The following RIMS2 variants were observed in gnomAD, a reference collection of about 807,000 sequenced individuals.
The protein encoded by RIMS2 is regulating synaptic membrane exocytosis 2.
Under a neutral mutation model 174.4 loss-of-function variants are expected in RIMS2, and 59 were observed. The observed-to-expected ratio is 0.34, with a 90% CI of 0.27 to 0.42. The LOEUF (loss-of-function observed/expected upper bound fraction) is 0.42. Among genes scored for constraint, RIMS2 ranks in the 10% least tolerant of loss-of-function variants. The probability of loss-of-function intolerance (pLI) is 1.00; values close to 1 mark genes in which losing one functional copy is unlikely to be tolerated. For synonymous variants in RIMS2, 606 were observed against 572.5 expected (o/e 1.06, Z -0.84); for missense variants, 1,620 against 1,666.3 (o/e 0.97, Z 0.48).
chr8:104,180,945 A>G (rs1462279688), intron 19 of RIMS2, among the ~76,000 whole-genome samples: 1 of 151,756 alleles, frequency 6.6e-6, no homozygotes, highest in African/African-American at 2.4e-5. Flanking sequence ...GCATCATGAA[A>G]ACAGAAAACC....
exon 9 of RIMS2, chr8:103,918,474 A>T (rs766227824): frequency 1.9e-6 from 3 of 1,606,160 alleles, no homozygotes; most frequent in Non-Finnish European, 2.6e-6. Flanking sequence ...GCACACATGC[A>T]CAACTGGAGT....
chr8:103,947,979 C>A (rs549250781), intron 14 of RIMS2, among the ~76,000 whole-genome samples: 9 of 152,040 alleles, frequency 5.9e-5, no homozygotes, highest in African/African-American at 1.7e-4. Flanking sequence ...ATATAAGGAG[C>A]CCTTAAAATG....
At chr8:103,526,617 A>C (rs184505347) in intron 1 of RIMS2, among the ~76,000 whole-genome samples, 2 of 152,300 alleles carry the variant, frequency 1.3e-5, no homozygotes, top group East Asian at 3.9e-4. Flanking sequence ...AATTAAAAGC[A>C]AAAAAAGAAC....
At chr8:103,555,701 G>T (rs1458736418) in intron 1 of RIMS2, among the ~76,000 whole-genome samples, 1 of 151,882 alleles carries the variant, frequency 6.6e-6, no homozygotes, top group South Asian at 2.1e-4. Flanking sequence ...GGAGGCCAAG[G>T]TGGGAGGATC....
At chr8:103,906,798 T>G (rs1431629611) in intron 4 of RIMS2, among the ~76,000 whole-genome samples, 1 of 152,198 alleles carries the variant, frequency 6.6e-6, no homozygotes, top group Admixed American at 6.5e-5. Flanking sequence ...TGCTTTGTTA[T>G]GGGACAATAC....
At chr8:104,182,923 T>A (rs2098948429) in intron 19 of RIMS2, among the ~76,000 whole-genome samples, 1 of 151,784 alleles carries the variant, frequency 6.6e-6, no homozygotes, top group Non-Finnish European at 1.5e-5. Context: ...TTATTTACTT[T>A]TAATATAAGC....
chr8:103,798,647 A>G (rs1489003163), intron 3 of RIMS2, among the ~76,000 whole-genome samples: 1 of 152,182 alleles, frequency 6.6e-6, no homozygotes, highest in Admixed American at 6.6e-5. Flanking sequence ...TACAGAAAGG[A>G]TATGGTGCTT....
chr8:103,700,365 C>T (rs1275737941), intron 2 of RIMS2, among the ~76,000 whole-genome samples: 1 of 151,912 alleles, frequency 6.6e-6, no homozygotes, highest in Non-Finnish European at 1.5e-5. Context: ...TTCACTTGGT[C>T]TAATACATGT....
Position 103,972,801 on chromosome 8 carries a change from C to A in RIMS2, c.2771-2549C>A, listed in dbSNP as rs2093025947. On this transcript the variant is annotated intron_variant, in intron 15 of 23. Transcript: ENST00000504942. Reference sequence around the variant, plus strand: ...AGTCTAACCACCCTATATAAAATTGCAAAATGCCCTCCTCTTCTGGCATTT... The same window carrying A: ...AGTCTAACCACCCTATATAAAATTGAAAAATGCCCTCCTCTTCTGGCATTT... 2.0e-5 allele frequency among the ~76,000 whole-genome samples: 3 copies of A among 152,264 alleles called. No individual in the cohort carries two copies. The South Asian group carries it at 6.2e-4, about 32-fold the overall frequency.
chr8:103,911,096 C>T (rs1188493300), intron 5 of RIMS2, among the ~76,000 whole-genome samples: 1 of 152,020 alleles, frequency 6.6e-6, no homozygotes, highest in African/African-American at 2.4e-5. Context: ...CATTGTTGCT[C>T]TTAGGATAGT....
intron 15 of RIMS2, among the ~76,000 whole-genome samples, chr8:103,972,637 G>C (rs1421236029): frequency 6.6e-6 from 1 of 152,074 alleles, no homozygotes; most frequent in Non-Finnish European, 1.5e-5. Context: ...CCTCCTTGCT[G>C]TTCTGTGAAC....
chr8:103,859,886 G>A (rs532266723), intron 3 of RIMS2, among the ~76,000 whole-genome samples: 1 of 152,072 alleles, frequency 6.6e-6, no homozygotes, highest in South Asian at 2.1e-4. Context: ...TACTACCTCA[G>A]CACAGAAATG....
chr8:103,880,560 G>C, intron 3 of RIMS2: 2 of 418,452 alleles, frequency 4.8e-6, no homozygotes, highest in Admixed American at 8.5e-5. Context: ...CAAATCATCT[G>C]ATTAAGGATG....
intron 19 of RIMS2, among the ~76,000 whole-genome samples, chr8:104,061,452 TA>T (rs2096987443): frequency 6.6e-6 from 1 of 151,986 alleles, no homozygotes; most frequent in Admixed American, 6.6e-5. Flanking sequence ...TTTCTTCTTA[TA>T]AAAGTAACAT....
chr8:103,836,158 G>GT (rs2098888306), intron 3 of RIMS2, among the ~76,000 whole-genome samples: 1 of 152,186 alleles, frequency 6.6e-6, no homozygotes, highest in African/African-American at 2.4e-5. Context: ...GAAATTAATT[G>GT]ATCAATTGAT....
intron 19 of RIMS2, chr8:104,223,442 G>T: frequency 1.5e-6 from 2 of 1,366,150 alleles, no homozygotes; most frequent in East Asian, 3.0e-5. Flanking sequence ...TCCTCCTCTG[G>T]ACCCCTCTCC....
At chr8:103,700,237 T>C (rs1299520014) in intron 2 of RIMS2, among the ~76,000 whole-genome samples, 2 of 152,164 alleles carry the variant, frequency 1.3e-5, no homozygotes, top group African/African-American at 4.8e-5. Flanking sequence ...TTTATGTATT[T>C]TTAGCCTCTG....
chr8:103,958,414 G>A (rs2154544915), intron 14 of RIMS2, among the ~76,000 whole-genome samples: 1 of 152,126 alleles, frequency 6.6e-6, no homozygotes, highest in East Asian at 1.9e-4. Flanking sequence ...AGGGTGGAGG[G>A]TGGGAGGATA....
intron 19 of RIMS2, among the ~76,000 whole-genome samples, chr8:104,152,306 A>C (rs2098694738): frequency 6.6e-6 from 1 of 152,088 alleles, no homozygotes; most frequent in Non-Finnish European, 1.5e-5. Flanking sequence ...TACATTTTTA[A>C]TTGTTCTTAA....
Sources: gnomAD v4.1 joint callset for allele counts (sites outside exome capture counted in the v4.1 genomes callset) on GRCh38, gnomAD v4.1.1 for gene constraint, MANE v1.5 for transcripts, NCBI Gene and HGNC (gene_info 2026-07-23, HGNC 2026-07-21) for gene names.